ZBTB38: variants seen among roughly 807,000 people sequenced by gnomAD.
The protein encoded by ZBTB38 is zinc finger and BTB domain-containing protein 38.
A neutral mutation model predicts 76.8 loss-of-function variants in ZBTB38; 20 were observed. That is an observed-to-expected ratio of 0.26 (90% CI 0.18 to 0.38). ZBTB38 has a LOEUF of 0.38. Ranked by LOEUF, ZBTB38 falls within the 10% of genes least tolerant of loss-of-function variation. The pLI is 1.00. For missense variants in ZBTB38, 1,082 were observed against 1,482.3 expected (o/e 0.73, Z 4.43); for synonymous variants, 504 against 544.2 (o/e 0.93, Z 1.03).
intron 1 of ZBTB38, among the ~76,000 whole-genome samples, chr3:141,336,571 A>G (rs956388999): frequency 1.3e-5 from 2 of 151,924 alleles, no homozygotes; most frequent in Admixed American, 1.3e-4. Flanking sequence ...GTGGTCTTGA[A>G]CTCCTGGCCT....
chr3:141,340,108 A>G (rs1272262264), intron 1 of ZBTB38, among the ~76,000 whole-genome samples: 3 of 152,212 alleles, frequency 2.0e-5, no homozygotes, highest in African/African-American at 7.2e-5. Flanking sequence ...GAGTGGACGC[A>G]AACTTAGAGA....
intron 5 of ZBTB38, among the ~76,000 whole-genome samples, chr3:141,415,954 A>G (rs2073935886): frequency 6.6e-6 from 1 of 152,152 alleles, no homozygotes; most frequent in Non-Finnish European, 1.5e-5. Context: ...AAATAATTAT[A>G]ATGTAGGATT....
At chr3:141,436,558 C>T (rs186064585) in intron 5 of ZBTB38, among the ~76,000 whole-genome samples, 66 of 152,216 alleles carry the variant, frequency 4.3e-4, no homozygotes, top group African/African-American at 1.6e-3. Flanking sequence ...AATGCAGTGG[C>T]GTGATCTCGG....
chr3:141,433,660 T>C (rs1165541707), intron 5 of ZBTB38, among the ~76,000 whole-genome samples: 1 of 152,214 alleles, frequency 6.6e-6, no homozygotes, highest in Non-Finnish European at 1.5e-5. Flanking sequence ...AGAGGACTAG[T>C]ACTGTTTTAC....
At chr3:141,432,252 C>G in intron 5 of ZBTB38, 1 of 985,446 alleles carries the variant, frequency 1.0e-6, no homozygotes, top group Non-Finnish European at 1.2e-6. Flanking sequence ...AGGTCAGTAT[C>G]CTAATACAGT....
chr3:141,443,338 A>T lies in ZBTB38; in HGVS notation c.950A>T (p.His317Leu). 6.2e-7 allele frequency: 1 copy of T among 1,614,112 alleles called. No homozygotes were observed. The change falls in exon 6 of 6, where the codon CAT (histidine) becomes CTT (leucine). Residue 317 changes from histidine (H) to leucine (L), a missense_variant. By Grantham distance (99) the His-to-Leu change is moderately conservative (BLOSUM62 -3). Coordinates refer to ENST00000321464, the MANE Select transcript of ZBTB38 (RefSeq NM_001376113.1). This position sits in a 1 kb window ranked among gnomAD's most constrained non-coding sequence, Gnocchi z 5.6. ...TCTCCAAACAATGAAGGAGATGTCC[A>T]TTTTTCCAGGGAAGATGAAAATCAA... The part of the protein sequence containing the change: ...SKSPNNEGDV[H>L]FSREDENQSS...
At chr3:141,362,064 C>G (rs1943839396) in intron 1 of ZBTB38, among the ~76,000 whole-genome samples, 1 of 152,120 alleles carries the variant, frequency 6.6e-6, no homozygotes, top group Admixed American at 6.5e-5. Context: ...CTATCACTTG[C>G]AACCCATGCT....
chr3:141,397,677 G>A (rs537197997), intron 4 of ZBTB38, among the ~76,000 whole-genome samples: 2 of 152,156 alleles, frequency 1.3e-5, no homozygotes, highest in Non-Finnish European at 2.9e-5. Flanking sequence ...CAGTATTTTT[G>A]TAGATGAGGA....
At chr3:141,408,390 T>A (rs1055145803) in intron 5 of ZBTB38, among the ~76,000 whole-genome samples, 2 of 151,986 alleles carry the variant, frequency 1.3e-5, no homozygotes, top group Non-Finnish European at 2.9e-5. Context: ...CTACTGAAAA[T>A]ACAAAAATTA....
chr3:141,348,549 C>A (rs1452900648), intron 1 of ZBTB38, among the ~76,000 whole-genome samples: 1 of 152,206 alleles, frequency 6.6e-6, no homozygotes, highest in Non-Finnish European at 1.5e-5. Flanking sequence ...GAGGGGAATG[C>A]ATTAGTAGAA....
intron 5 of ZBTB38, among the ~76,000 whole-genome samples, chr3:141,415,190 C>T (rs542781244): frequency 1.3e-5 from 2 of 152,244 alleles, no homozygotes; most frequent in South Asian, 2.1e-4. Context: ...TAGATGAAGA[C>T]GGACCAGACA....
upstream of ZBTB38, among the ~76,000 whole-genome samples, chr3:141,365,421 A>G (rs192781976): frequency 6.6e-6 from 1 of 152,186 alleles, no homozygotes; most frequent in Non-Finnish European, 1.5e-5. Context: ...AGGACATTAC[A>G]TGGCAAGGTG....
At position 141,444,007 on chromosome 3, in the gene ZBTB38, C is replaced by G; in HGVS notation, c.1619C>G (p.Ala540Gly). The change falls in exon 6 of 6, where the codon GCC (alanine) becomes GGC (glycine). Residue 540 changes from alanine (A) to glycine (G), a missense_variant. Ala to Gly is a moderately conservative substitution (Grantham distance 60). Coordinates refer to ENST00000321464, the MANE Select transcript of ZBTB38 (RefSeq NM_001376113.1). This position sits in a 1 kb window ranked among gnomAD's most constrained non-coding sequence, Gnocchi z 5.1. ...AAAAATCATCAGAAGTCTTTCCATG[C>G]CATCGATCATAGACTTTCCATCAGT... ...ILKNHQKSFH[A>G]IDHRLSISKK... 1.2e-6 allele frequency: 2 copies of G among 1,614,110 alleles called. No individual in the cohort carries two copies. Among genetic ancestry groups the G allele is most frequent in the South Asian group, 2.2e-5 (2 of 91,076 alleles).
At chr3:141,409,722 C>T in intron 5 of ZBTB38, among the ~76,000 whole-genome samples, 1 of 152,226 alleles carries the variant, frequency 6.6e-6, no homozygotes, top group East Asian at 1.9e-4. Context: ...CAATGGAGTT[C>T]CACACTGATC....
At chr3:141,389,475 G>A (rs1281921392) in intron 4 of ZBTB38, 1 of 124,602 alleles carries the variant, frequency 8.0e-6, no homozygotes, top group Non-Finnish European at 1.6e-5. Context: ...TTTGGCTGTT[G>A]GGAGCCATTT....
In ZBTB38 at chr3:141,368,592, C is replaced by T. The variant is rs560287521; in HGVS notation, c.-522C>T. ...TCCTCTCCATCTCCCTATAGCACAC[C>T]TTTTATTTCTTTTCTTCTTTTTTTT... On this transcript the variant is annotated 5_prime_UTR_variant, in exon 1 of 6. Transcript: ENST00000321464. The T allele has an allele frequency of 6.6e-6, 1 of 152,156 alleles. No individual in the cohort carries two copies. The highest frequency in any genetic ancestry group is 1.5e-5 in the Non-Finnish European group (1 of 68,022). 9.4% of individuals were successfully genotyped at this position (152,156 alleles called of 1,614,324 possible). A position where few individuals can be genotyped will look rare whatever the true frequency, so the allele number is the denominator to read the frequency against.
At chr3:141,325,707 G>T (rs1308404472) in intron 1 of ZBTB38, among the ~76,000 whole-genome samples, 3 of 152,202 alleles carry the variant, frequency 2.0e-5, no homozygotes, top group African/African-American at 7.2e-5. Context: ...AGAGTTTGGT[G>T]AGTTGAAGTG....
chr3:141,346,697 A>G (rs1322888863), intron 1 of ZBTB38, among the ~76,000 whole-genome samples: 3 of 151,986 alleles, frequency 2.0e-5, no homozygotes, highest in Non-Finnish European at 2.9e-5. Flanking sequence ...TCCACTCCAC[A>G]TTGCCAGCCA....
upstream of ZBTB38, among the ~76,000 whole-genome samples, chr3:141,365,377 G>A (rs1458719044): frequency 6.6e-6 from 1 of 152,116 alleles, no homozygotes; most frequent in African/African-American, 2.4e-5. Context: ...CCTTCTTGCT[G>A]GTGCGGACTC....
Sources: gnomAD v4.1 joint callset for allele counts (sites outside exome capture counted in the v4.1 genomes callset) on GRCh38, gnomAD v4.1.1 for gene constraint, Gnocchi (gnomAD v3.1) non-coding constraint, MANE v1.5 for transcripts, NCBI Gene and HGNC (gene_info 2026-07-23, HGNC 2026-07-21) for gene names.